PITRM1: variants seen among roughly 807,000 people sequenced by gnomAD.
PITRM1 encodes presequence protease, mitochondrial.
A neutral mutation model predicts 129.9 loss-of-function variants in PITRM1; 100 were observed. The observed-to-expected ratio is 0.77, with a 90% CI of 0.65 to 0.91. PITRM1 has a LOEUF of 0.91. Ranked by LOEUF, PITRM1 falls within the 40% of genes least tolerant of loss-of-function variation. The pLI is 0.00. For synonymous variants in PITRM1, 591 were observed against 508.8 expected, an observed-to-expected ratio of 1.16 and a Z score of -2.17; for missense variants, 1,471 against 1,318.3, an observed-to-expected ratio of 1.12 and a Z score of -1.79.
chr10:3,158,083 T>A lies in PITRM1; in HGVS notation c.1207A>T (p.Thr403Ser), dbSNP rs759660559. Reference protein sequence around the residue: ...LQGIAEKDIETVRSLIDRTID... With the variant: ...LQGIAEKDIESVRSLIDRTID... ...GTTCTGTCTATGAGGCTTCTGACGGTCTCAATGTCTTTCTCCGCAATCCCT... is the reference window on the plus strand; with the variant it reads ...GTTCTGTCTATGAGGCTTCTGACGGACTCAATGTCTTTCTCCGCAATCCCT... Residue 403 changes from threonine (T) to serine (S), a missense_variant, in exon 11 of 27, where the codon ACC (threonine) becomes TCC (serine). Thr to Ser is a moderately conservative substitution (Grantham distance 58). Transcript: ENST00000224949. 62 of 1,611,458 alleles carry A rather than the reference T, an allele frequency of 3.8e-5. No homozygotes were observed. Among genetic ancestry groups the A allele is most frequent in the Non-Finnish European group, 5.0e-5 (59 of 1,177,730 alleles).
chr10:3,164,046 C>A, intron 6 of PITRM1, 161 bp from the exon 7 acceptor site: 3 of 397,928 alleles, frequency 7.5e-6, no homozygotes, highest in Non-Finnish European at 1.3e-5. Context: ...AAAACACCCA[C>A]GCAGGCATTG....
At chr10:3,139,110 C>G in intron 24 of PITRM1, 61 bp from the exon 25 acceptor site, 3 of 1,447,970 alleles carry the variant, frequency 2.1e-6, no homozygotes, top group Non-Finnish European at 2.9e-6. Context: ...TTATGACAAA[C>G]CTCTGTCGAC....
chr10:3,158,808 G>T (rs1466493672), intron 10 of PITRM1, 106 bp downstream of exon 10: 13 of 1,103,920 alleles, frequency 1.2e-5, no homozygotes, highest in Non-Finnish European at 1.7e-5. Flanking sequence ...ATCCAAAAAT[G>T]TTCCAGACAC....
chr10:3,156,882 T>A (rs755321553), intron 13 of PITRM1, 48 bp downstream of exon 13: 2 of 1,290,884 alleles, frequency 1.5e-6, no homozygotes, highest in South Asian at 1.6e-5. Context: ...TTCATTAGTA[T>A]AAAATTCAAC....
In PITRM1 at chr10:3,163,989, G is replaced by A. The variant is rs1248124936; in HGVS notation, c.631-104C>T. The A allele has an allele frequency of 1.1e-5, 6 of 545,366 alleles. No individual in the cohort carries two copies. The East Asian group carries it at 1.2e-4, about 11-fold the overall frequency. 33.8% of individuals were successfully genotyped at this position (545,366 alleles called of 1,614,324 possible). On this transcript the variant is annotated intron_variant, in intron 6 of 26. Coordinates refer to ENST00000224949, the MANE Select transcript of PITRM1 (RefSeq NM_014889.4). ...TGATCACATTCTGGTGCATACACCT[G>A]TAATACTTTGCAAATAAAGCTGTTC... is the stretch of plus-strand genomic sequence containing the variant.
At chr10:3,172,815 C>T (rs1588746559), upstream of PITRM1, 2 of 1,528,584 alleles carry the variant, frequency 1.3e-6, no homozygotes, top group Non-Finnish European at 8.8e-7. Flanking sequence ...CCCCTCTTAA[C>T]CCGACGCAGG....
chr10:3,138,892 T>C lies in PITRM1; in HGVS notation c.2917+12A>G, dbSNP rs1839894746. 1 of 1,613,558 alleles carries C rather than the reference T, an allele frequency of 6.2e-7. No individual in the cohort carries two copies. The highest frequency in any genetic ancestry group is 1.1e-5 in the South Asian group (1 of 91,078). On this transcript the variant is annotated intron_variant, in intron 25 of 26. Transcript: ENST00000224949. ...CTGTGGGTTGAGATTCTCACTGTTA[T>C]ACTCAAAATACCTTTGTCTGAAGGA...
rs747368977 is a variant in PITRM1 at position 3,158,193 on chromosome 10, C to T, written c.1137-40G>A. On this transcript the variant is annotated intron_variant, in intron 10 of 26. Coordinates refer to ENST00000224949, the MANE Select transcript of PITRM1 (RefSeq NM_014889.4). ...CAGAAATGATGCACTGGAATCCGGG[C>T]ACGTTCATCATGCCCTCGTAATATG... 9 of 1,137,714 alleles carry T rather than the reference C, an allele frequency of 7.9e-6. No homozygotes were observed. The Admixed American group carries it at 1.6e-4, about 20-fold the overall frequency. 70.5% of individuals were successfully genotyped at this position (1,137,714 alleles called of 1,614,324 possible).
In PITRM1 at chr10:3,138,116, C is replaced by T. The variant is rs779437258; in HGVS notation, c.3029G>A (p.Gly1010Asp). The T allele has an allele frequency of 1.2e-6, 2 of 1,608,302 alleles. No individual in the cohort carries two copies. Among genetic ancestry groups the T allele is most frequent in the Admixed American group, 1.7e-5 (1 of 59,474 alleles). ...CAGGCCGTGTGTGCTCTTCCCAGTG[C>T]CGAGGTATCTGAGAGGAAGGCAGGC... Reference protein sequence around the residue: ...KLLAVSDRYLGTGKSTHGLAI... With the variant: ...KLLAVSDRYLDTGKSTHGLAI... Residue 1010 changes from glycine (G) to aspartate (D), a missense_variant, in exon 27 of 27, where the codon GGC becomes GAC. Physicochemically the swap from Gly to Asp is moderately conservative, Grantham distance 94. Transcript: ENST00000224949.
chr10:3,148,338 T>C (rs770381680), intron 16 of PITRM1, 47 bp from the exon 17 acceptor site: 2 of 1,537,588 alleles, frequency 1.3e-6, no homozygotes, highest in African/African-American at 2.8e-5. Context: ...CAGTCTTTAC[T>C]GAATCATTTT....
At chr10:3,159,808 A>G (rs772402229) in intron 9 of PITRM1, 40 bp downstream of exon 9, 2 of 1,199,066 alleles carry the variant, frequency 1.7e-6, no homozygotes, top group Non-Finnish European at 2.4e-6. Flanking sequence ...CATTTTCCTC[A>G]TGTTTTTGTC....
chr10:3,150,661 GA>G (rs1313477953), intron 15 of PITRM1, among the ~76,000 whole-genome samples: 6 of 152,192 alleles, frequency 3.9e-5, no homozygotes, highest in Non-Finnish European at 7.3e-5. Context: ...CCAGGAGCCA[GA>G]GAGAAAGGGG....
At chr10:3,144,437 G>T in intron 21 of PITRM1, 71 bp from the exon 22 acceptor site, 1 of 900,032 alleles carries the variant, frequency 1.1e-6, no homozygotes, top group Non-Finnish European at 1.7e-6. Context: ...AAGTAACAGA[G>T]TTTATAAAAT....
chr10:3,140,191 G>A (rs762079626), intron 24 of PITRM1, among the ~76,000 whole-genome samples: 2 of 152,150 alleles, frequency 1.3e-5, no homozygotes, highest in East Asian at 1.9e-4. Flanking sequence ...GTAAAACAAG[G>A]GTTCTGTGAA....
In PITRM1 at chr10:3,165,258, T is replaced by G. The variant is rs1412684605; in HGVS notation, c.610A>C (p.Asn204His). The change falls in exon 6 of 27, where the codon AAT becomes CAT. Residue 204 changes from asparagine to histidine, a missense_variant. By Grantham distance (68) the Asn-to-His change is moderately conservative (BLOSUM62 1). Coordinates refer to ENST00000224949, the MANE Select transcript of PITRM1 (RefSeq NM_014889.4). Reference protein sequence around the residue: ...TPLVFKGVVFNEMKGAFTDNE... With the variant: ...TPLVFKGVVFHEMKGAFTDNE... ...CTTACAAACGCTCCCTTCATCTCATTAAAGACGACTCCTTTAAAGACCAAG... is the reference window on the plus strand; with the variant it reads ...CTTACAAACGCTCCCTTCATCTCATGAAAGACGACTCCTTTAAAGACCAAG... The G allele has an allele frequency of 3.0e-5, 48 of 1,573,994 alleles. No individual in the cohort carries two copies. The Admixed American group carries it at 8.8e-4, about 29-fold the overall frequency.
chr10:3,157,932 T>G, intron 11 of PITRM1, 108 bp downstream of exon 11: 1 of 732,140 alleles, frequency 1.4e-6, no homozygotes, highest in East Asian at 2.6e-5. Context: ...AAAAGCATGT[T>G]ATATGACAGA....
In PITRM1 at chr10:3,148,224, T is replaced by TCATC; in HGVS notation, c.1935_1938dup (p.Ser647AspfsTer41). On this transcript the variant is annotated frameshift_variant, in exon 17 of 27. Coordinates refer to ENST00000224949, the MANE Select transcript of PITRM1 (RefSeq NM_014889.4). LOFTEE classifies it high-confidence loss of function. ...TCGGGGAGCACGTGGGGAGAAGCAC[T>TCATC]CATCCCTCCGGTCTTCAATTCTATC... 1.9e-6 allele frequency: 3 copies of TCATC among 1,614,016 alleles called. No homozygotes were observed. The highest frequency in any genetic ancestry group is 2.5e-6 in the Non-Finnish European group (3 of 1,179,890).
chr10:3,145,126 TCCTCCA>T, intron 21 of PITRM1: 1 of 157,532 alleles, frequency 6.3e-6, no homozygotes. Context: ...AGCGTCAACC[TCCTCCA>T]CGGAGCAGCA....
rs754757188 is a variant in PITRM1, at chr10:3,167,013, A to C, written c.189T>G (p.Thr63=). 5.6e-6 allele frequency: 9 copies of C among 1,609,572 alleles called. No individual in the cohort carries two copies. The South Asian group carries it at 7.8e-5, about 14-fold the overall frequency. Residue 63 remains threonine (T), a synonymous_variant, in exon 3 of 27, where the codon ACT becomes ACG. Coordinates refer to ENST00000224949, the MANE Select transcript of PITRM1 (RefSeq NM_014889.4). ...TGTCATCATGGGTGAGCTTCACTGC[A>C]GTCAGGAACAGCTCGGGAACAGATG... is the stretch of plus-strand genomic sequence containing the variant. ...QVTSVPELFL[T]AVKLTHDDTG...
Sources: allele counts gnomAD v4.1 joint callset (sites outside exome capture counted in the v4.1 genomes callset), GRCh38; gene constraint gnomAD v4.1.1; transcripts MANE v1.5; gene names NCBI Gene and HGNC (gene_info 2026-07-23, HGNC 2026-07-21).